Variants in INPP5D observed in about 807,000 individuals in gnomAD.
The protein encoded by INPP5D is phosphatidylinositol 3,4,5-trisphosphate 5-phosphatase 1.
A neutral mutation model predicts 122.9 loss-of-function variants in INPP5D; 33 were observed. That is an observed-to-expected ratio of 0.27 (90% CI 0.20 to 0.36). The LOEUF (loss-of-function observed/expected upper bound fraction) is 0.36. INPP5D is among the 10% of genes least tolerant of loss of function. The probability of loss-of-function intolerance (pLI) is 1.00; values close to 1 mark genes in which losing one functional copy is unlikely to be tolerated. For synonymous variants in INPP5D, 584 were observed against 576.2 expected (o/e 1.01, Z -0.19); for missense variants, 1,053 against 1,412.7 (o/e 0.75, Z 4.08).
chr2:233,148,815 C>T (rs1388744308), intron 9 of INPP5D, among the ~76,000 whole-genome samples: 1 of 151,958 alleles, frequency 6.6e-6, no homozygotes, highest in Non-Finnish European at 1.5e-5. Context: ...GGTTTTAAGA[C>T]CACTATGAAG....
Position 233,107,018 on chromosome 2 carries a change from G to A in INPP5D, c.199-15089G>A, listed in dbSNP as rs148973480. ...GCTTGAATCTTCAAGGAAAGCATGGGCCTGACTCCCATGGCACAGATACTA... is the reference window on the plus strand; with the variant it reads ...GCTTGAATCTTCAAGGAAAGCATGGACCTGACTCCCATGGCACAGATACTA... On this transcript the variant is annotated intron_variant, in intron 2 of 26. Coordinates refer to ENST00000445964, the MANE Select transcript of INPP5D (RefSeq NM_001017915.3). 3.0e-3 allele frequency among the ~76,000 whole-genome samples: 454 copies of A among 152,328 alleles called. 3 individuals carry two copies. Among genetic ancestry groups the A allele is most frequent in the South Asian group, 7.0e-3 (34 of 4,826 alleles).
intron 13 of INPP5D, among the ~76,000 whole-genome samples, chr2:233,167,990 G>GTGA (rs1274299476): frequency 9.6e-6 from 1 of 104,262 alleles, no homozygotes; most frequent in Non-Finnish European, 1.7e-5. Flanking sequence ...GGGAGACAGA[G>GTGA]TGAGACTCTG....
chr2:233,081,407 C>T (rs1198109980), intron 2 of INPP5D, among the ~76,000 whole-genome samples: 1 of 152,132 alleles, frequency 6.6e-6, no homozygotes, highest in Non-Finnish European at 1.5e-5. Context: ...ATCTTTTTTC[C>T]CTTTGTGGTT....
intron 11 of INPP5D, 59 bp from the exon 12 acceptor site, chr2:233,163,648 C>T (rs913457027): frequency 8.1e-5 from 130 of 1,610,584 alleles, no homozygotes; most frequent in Admixed American, 2.7e-4. Context: ...TTTGAATTCT[C>T]CTAATGCTTT....
intron 6 of INPP5D, among the ~76,000 whole-genome samples, chr2:233,142,051 T>A (rs933236409): frequency 9.2e-5 from 14 of 152,214 alleles, no homozygotes; most frequent in Non-Finnish European, 2.1e-4. Context: ...GTAGTTTGAG[T>A]GGAAGAACAC....
intron 5 of INPP5D, among the ~76,000 whole-genome samples, chr2:233,135,546 G>A (rs2106268490): frequency 6.6e-6 from 1 of 151,682 alleles, no homozygotes; most frequent in African/African-American, 2.4e-5. Context: ...CAAACAGATT[G>A]TTACAAACAG....
intron 4 of INPP5D, among the ~76,000 whole-genome samples, chr2:233,129,258 G>A (rs761744402): frequency 1.1e-4 from 17 of 152,272 alleles, no homozygotes; most frequent in Non-Finnish European, 2.4e-4. Flanking sequence ...TCTCTGATTT[G>A]TAAAACAGGA....
rs1691451972 is a variant in INPP5D, at chr2:233,074,077, A to G, written c.135-5258A>G. ...AAAATGCCCTTTTCTGGATGGTGAC[A>G]TGTTTTCATAGGTCAGGTGATTTTT... On this transcript the variant is annotated intron_variant, in intron 1 of 26. Transcript: ENST00000445964. Among the ~76,000 whole-genome samples, 5 of 152,186 alleles carry G rather than the reference A, an allele frequency of 3.3e-5. No homozygotes were observed. The South Asian group carries it at 1.0e-3, about 32-fold the overall frequency.
intron 9 of INPP5D, among the ~76,000 whole-genome samples, chr2:233,153,291 G>A (rs560108688): frequency 6.6e-6 from 1 of 152,322 alleles, no homozygotes; most frequent in South Asian, 2.1e-4. Context: ...TCAGCATTTG[G>A]TTAGCAGTGG....
intron 9 of INPP5D, among the ~76,000 whole-genome samples, chr2:233,155,349 G>A (rs1390191580): frequency 2.0e-5 from 3 of 152,120 alleles, no homozygotes; most frequent in African/African-American, 4.8e-5. Flanking sequence ...AGGGCTGGGT[G>A]CAGTGGCTCA....
At chr2:233,139,505 T>TGTG (rs1574759280) in intron 5 of INPP5D, among the ~76,000 whole-genome samples, 2 of 145,232 alleles carry the variant, frequency 1.4e-5, no homozygotes, top group East Asian at 2.0e-4. Flanking sequence ...TGTGTGTGTG[T>TGTG]TTTATAAACA....
At position 233,170,187 on chromosome 2, in the gene INPP5D, TG is replaced by T. The variant is rs1232039434; in HGVS notation, c.1791+27del. On this transcript the variant is annotated intron_variant, in intron 15 of 26. Transcript: ENST00000445964. This position sits in a 1 kb window ranked among gnomAD's most constrained non-coding sequence, Gnocchi z 4.5. ...TGGGTAAGGGCTGCCCGCCTGGGGC[TG>T]GGGCTGGGGCTGTATGAGATGGAGG... The T allele has an allele frequency of 6.2e-7, 1 of 1,607,858 alleles. No individual in the cohort carries two copies. Among genetic ancestry groups the T allele is most frequent in the South Asian group, 1.1e-5 (1 of 90,576 alleles).
At chr2:233,121,288 C>T (rs1468143788) in intron 2 of INPP5D, among the ~76,000 whole-genome samples, 8 of 151,458 alleles carry the variant, frequency 5.3e-5, no homozygotes, top group African/African-American at 1.5e-4. Flanking sequence ...CGCACCACCA[C>T]GCTTGGCTAA....
At chr2:233,178,965 C>T (rs570192128) in intron 18 of INPP5D, among the ~76,000 whole-genome samples, 1 of 152,300 alleles carries the variant, frequency 6.6e-6, no homozygotes, top group South Asian at 2.1e-4. Context: ...TGGTCCTATA[C>T]TTTGAACTGA....
At chr2:233,126,980 C>A (rs1233697226) in intron 4 of INPP5D, among the ~76,000 whole-genome samples, 1 of 151,976 alleles carries the variant, frequency 6.6e-6, no homozygotes, top group Non-Finnish European at 1.5e-5. Flanking sequence ...TCCATTTCTT[C>A]CCAGGTTTGG....
intron 2 of INPP5D, among the ~76,000 whole-genome samples, chr2:233,088,493 A>G (rs1421767710): frequency 1.3e-5 from 2 of 152,136 alleles, no homozygotes; most frequent in Non-Finnish European, 2.9e-5. Flanking sequence ...TCGGGTCTTC[A>G]GGGTGGTGTA....
intron 2 of INPP5D, among the ~76,000 whole-genome samples, chr2:233,103,976 G>A (rs1692392972): frequency 6.8e-6 from 1 of 146,018 alleles, no homozygotes; most frequent in South Asian, 2.2e-4. Context: ...CAAAGTGCTG[G>A]GATTACTGGT....
intron 9 of INPP5D, among the ~76,000 whole-genome samples, chr2:233,153,295 G>A (rs1693970044): frequency 6.6e-6 from 1 of 152,236 alleles, no homozygotes; most frequent in Non-Finnish European, 1.5e-5. Context: ...CATTTGGTTA[G>A]CAGTGGTAGA....
chr2:233,148,451 C>T (rs1286014763), intron 9 of INPP5D, among the ~76,000 whole-genome samples: 1 of 152,164 alleles, frequency 6.6e-6, no homozygotes, highest in Non-Finnish European at 1.5e-5. Context: ...GAGAAGCAAC[C>T]AGTCGGGCAG....
Sources: gnomAD v4.1 joint callset for allele counts (sites outside exome capture counted in the v4.1 genomes callset) on GRCh38, gnomAD v4.1.1 for gene constraint, Gnocchi (gnomAD v3.1) non-coding constraint, MANE v1.5 for transcripts, NCBI Gene and HGNC (gene_info 2026-07-23, HGNC 2026-07-21) for gene names.